Variants in TMC5 observed in about 807,000 individuals in gnomAD.
TMC5 encodes transmembrane channel like 5, also known as transmembrane channel-like protein 5.
In TMC5, 86 loss-of-function variants were observed where a neutral mutation model predicts 110.5. The observed-to-expected ratio is 0.78, with a 90% CI of 0.65 to 0.93. The LOEUF (loss-of-function observed/expected upper bound fraction) is 0.93. Among genes scored for constraint, TMC5 ranks in the 40% least tolerant of loss-of-function variants. TMC5 has a pLI of 0.00. For synonymous variants in TMC5, 455 were observed against 439.5 expected (o/e 1.04, Z -0.44); for missense variants, 1,144 against 1,222.8 (o/e 0.94, Z 0.96).
At chr16:19,413,523 CAAAAAAAAAAAAAAAAAA>C (rs869158130), upstream of TMC5, among the ~76,000 whole-genome samples, 20,103 of 53,062 alleles carry the variant, frequency 0.38, 2,736 homozygotes, top group African/African-American at 0.48. Context: ...AACCCTGCCT[CAAAAAAAAAAAAAAAAAA>C]AAAAAAAAAA....
intron 5 of TMC5, chr16:19,456,852 A>T (rs1204219654): frequency 6.2e-7 from 1 of 1,614,212 alleles, no homozygotes; most frequent in African/African-American, 1.3e-5. Flanking sequence ...TCAATATCTG[A>T]CATTGATGTG....
rs1405032739 is a variant in TMC5 at position 19,477,508 on chromosome 16, C to T, written c.2159C>T (p.Ser720Phe). Reference sequence around the variant, plus strand: ...TATTGGCTCAACACCGTGGCCCTGTCTGGTGAAGAGGTGAGATTCTATGCT... The same window carrying T: ...TATTGGCTCAACACCGTGGCCCTGTTTGGTGAAGAGGTGAGATTCTATGCT... ...CYYWLNTVAL[S>F]GEECWETLIG... The change falls in exon 13 of 22, where the codon TCT (serine) becomes TTT (phenylalanine). Residue 720 changes from serine (S) to phenylalanine (F), a missense_variant. By Grantham distance (155) the Ser-to-Phe change is radical (BLOSUM62 -2). Coordinates refer to ENST00000542583, the MANE Select transcript of TMC5 (RefSeq NM_001261841.2). The T allele has an allele frequency of 1.9e-6, 3 of 1,607,966 alleles. No individual in the cohort carries two copies. The highest frequency in any genetic ancestry group is 2.5e-6 in the Non-Finnish European group (3 of 1,177,072).
In TMC5 at chr16:19,498,109, A is replaced by G. The variant is rs1033729091; in HGVS notation, c.*143A>G. 11 of 742,208 alleles carry G rather than the reference A, an allele frequency of 1.5e-5. No individual in the cohort carries two copies. Among genetic ancestry groups the G allele is most frequent in the African/African-American group, 9.0e-5 (5 of 55,692 alleles). 46.0% of individuals were successfully genotyped at this position (742,208 alleles called of 1,614,324 possible). ...CAGGAGCGGAAACTGACTACCATGTAATTATCAAAGTAAAATTGGGCATTC... is the reference window on the plus strand; with the variant it reads ...CAGGAGCGGAAACTGACTACCATGTGATTATCAAAGTAAAATTGGGCATTC... On this transcript the variant is annotated 3_prime_UTR_variant, in exon 22 of 22. Transcript: ENST00000542583.
intron 5 of TMC5, among the ~76,000 whole-genome samples, chr16:19,454,188 C>T (rs193149681): frequency 6.6e-6 from 1 of 152,306 alleles, no homozygotes; most frequent in Non-Finnish European, 1.5e-5. Flanking sequence ...GTTGGGATTA[C>T]AGGCCCCTGC....
At chr16:19,427,486 T>C (rs1967108636) in intron 1 of TMC5, among the ~76,000 whole-genome samples, 1 of 152,146 alleles carries the variant, frequency 6.6e-6, no homozygotes, top group African/African-American at 2.4e-5. Flanking sequence ...ATTTAGTTTC[T>C]CAATCTAGTT....
At chr16:19,479,348 T>C (rs1220989235) in intron 13 of TMC5, 83 bp from the exon 14 acceptor site, 1 of 1,013,748 alleles carries the variant, frequency 9.9e-7, no homozygotes, top group Non-Finnish European at 1.6e-6. Context: ...TATGTCCTGA[T>C]GGGTACATAG....
chr16:19,439,190 TTG>T (rs779008777), intron 2 of TMC5, among the ~76,000 whole-genome samples: 1 of 152,222 alleles, frequency 6.6e-6, no homozygotes, highest in African/African-American at 2.4e-5. Context: ...GGAGGTAGCT[TTG>T]GGCTAAATTT....
chr16:19,498,313 C>A lies in TMC5; in HGVS notation c.*347C>A. ...GAATGATTGGTTCTTAGAAATCTCT[C>A]CTGCCAGACTTCCCAGACCTGGCAA... On this transcript the variant is annotated 3_prime_UTR_variant, in exon 22 of 22. Coordinates refer to ENST00000542583, the MANE Select transcript of TMC5 (RefSeq NM_001261841.2). The A allele has an allele frequency of 4.2e-6, 1 of 237,186 alleles. No homozygotes were observed. Among genetic ancestry groups the A allele is most frequent in the Non-Finnish European group, 8.2e-6 (1 of 122,274 alleles). The allele number at this position is 237,186 out of a possible 1,614,324, so 14.7% of individuals were successfully genotyped here.
At chr16:19,414,999 T>C (rs566644042), upstream of TMC5, among the ~76,000 whole-genome samples, 6 of 152,292 alleles carry the variant, frequency 3.9e-5, no homozygotes, top group South Asian at 1.2e-3. Context: ...AGCAAGGCTC[T>C]ATCTCTAAAA....
chr16:19,496,445 A>G (rs1969055197), intron 20 of TMC5, among the ~76,000 whole-genome samples: 1 of 152,202 alleles, frequency 6.6e-6, no homozygotes, highest in Non-Finnish European at 1.5e-5. Context: ...GTAATTTACC[A>G]TCTGTGCAAA....
At chr16:19,465,721 C>T (rs1487398657) in intron 8 of TMC5, among the ~76,000 whole-genome samples, 3 of 152,088 alleles carry the variant, frequency 2.0e-5, no homozygotes, top group Admixed American at 6.6e-5. Flanking sequence ...GAAATGTAGG[C>T]CTATAGGCTT....
Position 19,469,690 on chromosome 16 carries a change from G to C in TMC5, c.1647G>C (p.Lys549Asn). Residue 549 changes from lysine to asparagine, a missense_variant, in exon 10 of 22, where the codon AAG (lysine) becomes AAC (asparagine). Physicochemically the swap from Lys to Asn is moderately conservative, Grantham distance 94 (BLOSUM62 0). Coordinates refer to ENST00000542583, the MANE Select transcript of TMC5 (RefSeq NM_001261841.2). ...TTTCTGCCTTCTCTAGCATGGCCAA[G>C]TATTTCCGGAACAACTTCATTAATC... ...CFFSLLFSMA[K>N]YFRNNFINPH... is the part of the protein sequence containing the mutation. 1 of 1,614,020 alleles carries C rather than the reference G, an allele frequency of 6.2e-7. No homozygotes were observed. Among genetic ancestry groups the C allele is most frequent in the Non-Finnish European group, 8.5e-7 (1 of 1,179,912 alleles).
Position 19,463,804 on chromosome 16 carries a change from C to T in TMC5, c.1265C>T (p.Ser422Leu), listed in dbSNP as rs373505540. ...TATCGGAGATCCAAGAACAGCCTGT[C>T]GGAAATTCTGAATTCCATCAGCCTG... ...RAYRRSKNSLSEILNSISLWQ... is the reference protein window; with the variant it reads ...RAYRRSKNSLLEILNSISLWQ... The change falls in exon 8 of 22, where the codon TCG (serine) becomes TTG (leucine). Residue 422 changes from serine to leucine, a missense_variant. By Grantham distance (145) the Ser-to-Leu change is moderately radical. Transcript: ENST00000542583. The T allele has an allele frequency of 7.4e-6, 12 of 1,614,094 alleles. No individual in the cohort carries two copies. Among genetic ancestry groups the T allele is most frequent in the East Asian group, 4.5e-5 (2 of 44,888 alleles).
rs73538006 is a variant in TMC5, at chr16:19,422,292, G to C, written c.-308+4200G>C. On this transcript the variant is annotated intron_variant, in intron 1 of 21. Transcript: ENST00000542583. ...TGCTATGACTCAAAGATATTTAAAG[G>C]GGGGGAAAAGAGAGAGAGAAAGAAT... is the stretch of plus-strand genomic sequence containing the variant. 2.1e-3 allele frequency among the ~76,000 whole-genome samples: 312 copies of C among 151,868 alleles called. 3 individuals carry two copies. Among genetic ancestry groups the C allele is most frequent in the African/African-American group, 6.0e-3 (249 of 41,366 alleles).
intron 3 of TMC5, among the ~76,000 whole-genome samples, chr16:19,443,098 C>G (rs996949605): frequency 6.6e-6 from 1 of 152,196 alleles, no homozygotes; most frequent in Non-Finnish European, 1.5e-5. Flanking sequence ...TGCCCCCTGC[C>G]TTGACCTTAT....
Position 19,474,296 on chromosome 16 carries a change from C to G in TMC5, c.2090+20C>G. 1.2e-6 allele frequency: 2 copies of G among 1,608,452 alleles called. No homozygotes were observed. Among genetic ancestry groups the G allele is most frequent in the Non-Finnish European group, 1.7e-6 (2 of 1,176,946 alleles). On this transcript the variant is annotated intron_variant, in intron 12 of 21. Transcript: ENST00000542583. ...GATCCGGTAGGTGATGTGTCGCGCC[C>G]AACACCAGCCTCTATTTCCACAGAG...
chr16:19,426,481 C>T (rs900390840), intron 1 of TMC5, among the ~76,000 whole-genome samples: 21 of 152,124 alleles, frequency 1.4e-4, no homozygotes, highest in African/African-American at 5.1e-4. Context: ...CTGTAGCCTA[C>T]GGGTCTCCAG....
chr16:19,469,770 T>C lies in TMC5; in HGVS notation c.1727T>C (p.Val576Ala). The C allele has an allele frequency of 6.2e-7, 1 of 1,614,184 alleles. No homozygotes were observed. Among genetic ancestry groups the C allele is most frequent in the Non-Finnish European group, 8.5e-7 (1 of 1,180,024 alleles). The part of the protein sequence containing the change: ...TKLIFCWDFT[V>A]THEKAVKLKQ... ...CTGATCTTTTGCTGGGACTTCACTG[T>C]CACTCATGAAAAAGCTGTGAAGCTA... The change falls in exon 10 of 22, where the codon GTC (valine) becomes GCC (alanine). Residue 576 changes from valine to alanine, a missense_variant. Coordinates refer to ENST00000542583, the MANE Select transcript of TMC5 (RefSeq NM_001261841.2).
Position 19,490,855 on chromosome 16 carries a change from T to C in TMC5, c.2747+287T>C, listed in dbSNP as rs182423599. 2.8e-5 allele frequency among the ~76,000 whole-genome samples: 4 copies of C among 144,972 alleles called. 1 individual carries two copies. The highest frequency in any genetic ancestry group is 2.8e-4 in the Admixed American group (4 of 14,522). Reference sequence around the variant, plus strand: ...CCCTTTCCTTTCAGTTCCGTTCCTTTCCTCTTCATTTTTTCTTCCTTCCTT... The same window carrying C: ...CCCTTTCCTTTCAGTTCCGTTCCTTCCCTCTTCATTTTTTCTTCCTTCCTT... On this transcript the variant is annotated intron_variant, in intron 18 of 21. Transcript: ENST00000542583.
Sources: allele counts gnomAD v4.1 joint callset (sites outside exome capture counted in the v4.1 genomes callset), GRCh38; gene constraint gnomAD v4.1.1; transcripts MANE v1.5; gene names NCBI Gene and HGNC (gene_info 2026-07-23, HGNC 2026-07-21).